The following SPOCK3 variants were observed in gnomAD, a reference collection of about 807,000 sequenced individuals.
The protein encoded by SPOCK3 is SPARC (osteonectin), cwcv and kazal like domains proteoglycan 3.
SPOCK3 carries 30 observed loss-of-function variants against 56.6 expected under a neutral mutation model. The ratio of observed to expected loss-of-function variants is 0.53; its 90% CI spans 0.40 to 0.72. The LOEUF is 0.72. Ranked by LOEUF, SPOCK3 falls within the 30% of genes least tolerant of loss-of-function variation. The pLI is 0.00. For missense variants in SPOCK3, 527 were observed against 530.0 expected, an observed-to-expected ratio of 0.99 and a Z score of 0.06; for synonymous variants, 196 against 183.3, an observed-to-expected ratio of 1.07 and a Z score of -0.56.
intron 9 of SPOCK3, among the ~76,000 whole-genome samples, chr4:166,741,734 T>G (rs907215023): frequency 7.9e-5 from 12 of 152,200 alleles, no homozygotes; most frequent in Non-Finnish European, 1.0e-4. Flanking sequence ...GCTGATGTTT[T>G]AACTTTAGCA....
chr4:167,055,985 G>A (rs185178392), intron 3 of SPOCK3, among the ~76,000 whole-genome samples: 54 of 152,304 alleles, frequency 3.5e-4, no homozygotes, highest in African/African-American at 1.2e-3. Context: ...ATCTGAGAAC[G>A]GGCAGACTGC....
chr4:166,843,376 A>T lies in SPOCK3; in HGVS notation c.589+45754T>A, dbSNP rs567200973. On this transcript the variant is annotated intron_variant, in intron 6 of 10. Coordinates refer to ENST00000357545, the MANE Select transcript of SPOCK3 (RefSeq NM_001040159.2). ...TAGATTATGTTATCTGGCAAAGGTG[A>T]AGGGATCTTGCAGATGCAATTAAGT... Among the ~76,000 whole-genome samples the T allele has an allele frequency of 2.0e-5, 3 of 152,370 alleles. No individual in the cohort carries two copies. In the East Asian group the frequency reaches 5.8e-4, roughly 29 times the overall value.
intron 2 of SPOCK3, among the ~76,000 whole-genome samples, chr4:167,159,988 G>A (rs1308988948): frequency 6.6e-6 from 1 of 152,090 alleles, no homozygotes; most frequent in South Asian, 2.1e-4. Flanking sequence ...CACAAGACAG[G>A]GATGCCCTCT....
chr4:167,234,228 G>T (rs747523310), intron 1 of SPOCK3, 55 bp from the exon 2 acceptor site: 4 of 1,577,642 alleles, frequency 2.5e-6, no homozygotes, highest in Non-Finnish European at 3.5e-6. Flanking sequence ...CAAATAAGGG[G>T]TACGAAGCCA....
intron 2 of SPOCK3, among the ~76,000 whole-genome samples, chr4:167,216,245 G>GA (rs146888396): frequency 6.6e-6 from 1 of 151,814 alleles, no homozygotes; most frequent in Admixed American, 6.6e-5. Context: ...TTATCCCACC[G>GA]AAAAAAATAC....
chr4:166,983,649 AAAT>A (rs1488540677), intron 4 of SPOCK3, among the ~76,000 whole-genome samples: 1 of 152,086 alleles, frequency 6.6e-6, no homozygotes, highest in Non-Finnish European at 1.5e-5. Context: ...CAACACAAAG[AAAT>A]AATAAAATCT....
Position 167,045,234 on chromosome 4 carries a change from G to C in SPOCK3, c.235+17258C>G, listed in dbSNP as rs1191220180. On this transcript the variant is annotated intron_variant, in intron 3 of 10. Coordinates refer to ENST00000357545, the MANE Select transcript of SPOCK3 (RefSeq NM_001040159.2). ...TTCTGCTTATTTTTTATTAGTGTGAGTATGGTATATCTTTCTCTATCCATT... is the reference window on the plus strand; with the variant it reads ...TTCTGCTTATTTTTTATTAGTGTGACTATGGTATATCTTTCTCTATCCATT... 2.0e-5 allele frequency among the ~76,000 whole-genome samples: 3 copies of C among 151,986 alleles called. No homozygotes were observed. The East Asian group carries it at 5.8e-4, about 29-fold the overall frequency.
intron 7 of SPOCK3, among the ~76,000 whole-genome samples, chr4:166,772,542 A>C (rs1417609129): frequency 6.8e-6 from 1 of 146,446 alleles, no homozygotes. Flanking sequence ...CTGCTATTCT[A>C]TCAAATTAGA....
intron 2 of SPOCK3, among the ~76,000 whole-genome samples, chr4:167,113,435 A>G (rs774714149): frequency 6.6e-6 from 1 of 151,936 alleles, no homozygotes; most frequent in East Asian, 1.9e-4. Flanking sequence ...ACAAGTTTGC[A>G]TAAGTAAAAA....
intron 7 of SPOCK3, among the ~76,000 whole-genome samples, chr4:166,766,296 T>A (rs1332861323): frequency 1.3e-5 from 2 of 152,098 alleles, no homozygotes; most frequent in African/African-American, 2.4e-5. Flanking sequence ...CCAGTTTATG[T>A]CCATTCAGTA....
chr4:167,205,530 T>TATAATATATAA (rs1343035754), intron 2 of SPOCK3, among the ~76,000 whole-genome samples: 1 of 60,204 alleles, frequency 1.7e-5, no homozygotes, highest in African/African-American at 7.6e-5. Context: ...ATATATATTA[T>TATAATATATAA]TATATAATAT....
At chr4:166,743,072 T>C (rs1735073207) in intron 8 of SPOCK3, among the ~76,000 whole-genome samples, 1 of 152,044 alleles carries the variant, frequency 6.6e-6, no homozygotes, top group Non-Finnish European at 1.5e-5. Flanking sequence ...TCGATCCCCC[T>C]CGGATACTAA....
At chr4:167,061,091 A>G (rs1233555227) in intron 3 of SPOCK3, among the ~76,000 whole-genome samples, 4 of 151,898 alleles carry the variant, frequency 2.6e-5, no homozygotes, top group African/African-American at 7.2e-5. Flanking sequence ...TGTTTGGAAG[A>G]CTCTCAAATA....
At chr4:167,082,042 C>T (rs1453756105) in intron 2 of SPOCK3, among the ~76,000 whole-genome samples, 3 of 144,872 alleles carry the variant, frequency 2.1e-5, no homozygotes, top group Admixed American at 2.0e-4. Context: ...CCAAGTGAAT[C>T]TCTGTTCTGA....
chr4:166,957,140 A>G (rs1222493615), intron 4 of SPOCK3, among the ~76,000 whole-genome samples: 1 of 152,178 alleles, frequency 6.6e-6, no homozygotes, highest in Non-Finnish European at 1.5e-5. Flanking sequence ...CTGTAGTCCC[A>G]GCTACTGGGA....
intron 6 of SPOCK3, among the ~76,000 whole-genome samples, chr4:166,837,611 G>C (rs1317267649): frequency 6.6e-6 from 1 of 152,112 alleles, no homozygotes; most frequent in Admixed American, 6.5e-5. Flanking sequence ...TCCCTTATGT[G>C]AGATATAACG....
chr4:167,064,683 C>A (rs963243021), intron 2 of SPOCK3, among the ~76,000 whole-genome samples: 2 of 151,680 alleles, frequency 1.3e-5, no homozygotes, highest in African/African-American at 4.8e-5. Flanking sequence ...GACGGGCAAA[C>A]CAGAATTTTA....
chr4:167,020,269 T>C (rs765646813), intron 3 of SPOCK3, among the ~76,000 whole-genome samples: 10 of 152,080 alleles, frequency 6.6e-5, no homozygotes, highest in Non-Finnish European at 1.3e-4. Context: ...AAAATAGCCA[T>C]ATAACTTTTA....
At chr4:167,197,909 C>A (rs552839823) in intron 2 of SPOCK3, among the ~76,000 whole-genome samples, 1 of 152,130 alleles carries the variant, frequency 6.6e-6, no homozygotes, top group East Asian at 1.9e-4. Context: ...TCATTCTCTC[C>A]GATTCCAAAA....
Sources: gnomAD v4.1 joint callset for allele counts (sites outside exome capture counted in the v4.1 genomes callset) on GRCh38, gnomAD v4.1.1 for gene constraint, MANE v1.5 for transcripts, NCBI Gene and HGNC (gene_info 2026-07-23, HGNC 2026-07-21) for gene names.